The following OTOP3 variants were observed in gnomAD, a reference collection of about 807,000 sequenced individuals.
OTOP3 encodes the protein otopetrin 3.
OTOP3 carries 41 observed loss-of-function variants against 50.8 expected under a neutral mutation model. The observed-to-expected ratio is 0.81, with a 90% CI of 0.63 to 1.05. The LOEUF (loss-of-function observed/expected upper bound fraction) is 1.05. Ranked by LOEUF, OTOP3 falls within the 50% of genes least tolerant of loss-of-function variation. The pLI is 0.00. For synonymous variants in OTOP3, 320 were observed against 324.4 expected, an observed-to-expected ratio of 0.99 and a Z score of 0.14; for missense variants, 788 against 760.8, an observed-to-expected ratio of 1.04 and a Z score of -0.42.
chr17:74,940,915 C>CAA lies in OTOP3; in HGVS notation c.20-477_20-476dup, dbSNP rs760967360. Among the ~76,000 whole-genome samples the CAA allele has an allele frequency of 2.8e-4, 43 of 152,282 alleles. 1 individual carries two copies. The highest frequency in any genetic ancestry group is 1.5e-3 in the Admixed American group (23 of 15,286). ...GACACAGCCTCAGGATGCTTCTCTA[C>CAA]AAGACATTTTAGGCAATCATTTCCC... On this transcript the variant is annotated intron_variant, in intron 1 of 6. Transcript: ENST00000328801.
At chr17:74,938,117 G>A (rs2039136697) in intron 1 of OTOP3, among the ~76,000 whole-genome samples, 1 of 152,114 alleles carries the variant, frequency 6.6e-6, no homozygotes, top group South Asian at 2.1e-4. Context: ...AGTGGGAAAG[G>A]GGAGAAAATC....
rs1423634369 is a variant in OTOP3, at chr17:74,935,941, G to A, written c.19+1G>A. 8 of 1,543,436 alleles carry A rather than the reference G, an allele frequency of 5.2e-6. No homozygotes were observed. The highest frequency in any genetic ancestry group is 6.1e-6 in the Non-Finnish European group (7 of 1,146,700). On this transcript the variant is annotated splice_donor_variant, in intron 1 of 6. Transcript: ENST00000328801. LOFTEE classifies it high-confidence loss of function. ...ACGGCGATGCCTCTCCCGGCCTCAG[G>A]TAAGCCCGGAGCGCCGGCGGAACTT...
intron 3 of OTOP3, 116 bp from the exon 4 acceptor site, chr17:74,943,170 G>T (rs945422653): frequency 2.2e-6 from 2 of 922,972 alleles, no homozygotes; most frequent in South Asian, 2.8e-5. Flanking sequence ...CCAAGATTCC[G>T]ACCCAGTCTT....
Position 74,947,173 on chromosome 17 carries a change from A to G in OTOP3, c.1264A>G (p.Lys422Glu). 6.2e-7 allele frequency: 1 copy of G among 1,614,020 alleles called. No individual in the cohort carries two copies. Among genetic ancestry groups the G allele is most frequent in the South Asian group, 1.1e-5 (1 of 91,090 alleles). ...TTTCTCCATCGTGGCCATTGTGGCCAAGCGCCCGCATGAGCTGCTCAACCG... is the reference window on the plus strand; with the variant it reads ...TTTCTCCATCGTGGCCATTGTGGCCGAGCGCCCGCATGAGCTGCTCAACCG... ...AYFSIVAIVA[K>E]RPHELLNRLI... is the part of the protein sequence containing the mutation. The change falls in exon 6 of 7, where the codon AAG (lysine) becomes GAG (glutamate). Residue 422 changes from lysine to glutamate, a missense_variant. Transcript: ENST00000328801.
At chr17:74,938,022 G>A (rs1027187017) in intron 1 of OTOP3, among the ~76,000 whole-genome samples, 1 of 152,196 alleles carries the variant, frequency 6.6e-6, no homozygotes, top group African/African-American at 2.4e-5. Flanking sequence ...CTGGGCCTGG[G>A]TTGGTGTGGG....
intron 3 of OTOP3, 136 bp from the exon 4 acceptor site, chr17:74,943,150 A>G: frequency 2.5e-6 from 2 of 786,796 alleles, no homozygotes; most frequent in Admixed American, 3.8e-5. Flanking sequence ...CACAGCAAGA[A>G]GCAGTAGAGC....
intron 6 of OTOP3, among the ~76,000 whole-genome samples, chr17:74,948,741 G>A (rs1368698703): frequency 6.6e-6 from 1 of 152,182 alleles, no homozygotes; most frequent in Non-Finnish European, 1.5e-5. Flanking sequence ...GGGAGGCTGA[G>A]GTGGGAGGAT....
chr17:74,943,091 A>G (rs1297736909), intron 3 of OTOP3, among the ~76,000 whole-genome samples, 195 bp from the exon 4 acceptor site: 2 of 152,190 alleles, frequency 1.3e-5, no homozygotes, highest in African/African-American at 2.4e-5. Context: ...CCCTTTTCCC[A>G]GCTGAGGCAA....
In OTOP3 at chr17:74,937,479, T is replaced by C. The variant is rs550415493; in HGVS notation, c.19+1539T>C. On this transcript the variant is annotated intron_variant, in intron 1 of 6. Coordinates refer to ENST00000328801, the MANE Select transcript of OTOP3 (RefSeq NM_001272005.2). ...GGGGGCTGGAGGAGAGGGTGCAGGT[T>C]TTGGGGAAGGTGAAGTAGAGCAGTT... 2.0e-5 allele frequency among the ~76,000 whole-genome samples: 3 copies of C among 152,014 alleles called. No individual in the cohort carries two copies. In the South Asian group the frequency reaches 6.3e-4, roughly 32 times the overall value.
At chr17:74,938,244 A>G (rs8071769) in intron 1 of OTOP3, among the ~76,000 whole-genome samples, 77,883 of 151,798 alleles carry the variant, frequency 0.51, 20,919 homozygotes, top group African/African-American at 0.68. Flanking sequence ...CAAGGGGAGA[A>G]TGGGAGCCCG....
chr17:74,938,887 G>A (rs1299570920), intron 1 of OTOP3, among the ~76,000 whole-genome samples: 2 of 152,072 alleles, frequency 1.3e-5, no homozygotes, highest in Non-Finnish European at 2.9e-5. Context: ...AAAAATCAGG[G>A]CCAGGCATGG....
chr17:74,946,124 C>T (rs901597056), intron 5 of OTOP3, among the ~76,000 whole-genome samples: 1 of 151,860 alleles, frequency 6.6e-6, no homozygotes, highest in African/African-American at 2.4e-5. Context: ...ATTACAGGCA[C>T]GTGCCACCAT....
chr17:74,946,534 TA>T, intron 5 of OTOP3, 126 bp from the exon 6 acceptor site: 1 of 757,884 alleles, frequency 1.3e-6, no homozygotes, highest in Non-Finnish European at 2.1e-6. Context: ...TCCACATTGG[TA>T]AAATGAGCGG....
rs747391439 is a variant in OTOP3, at chr17:74,941,497, G to A, written c.124G>A (p.Ala42Thr). 3.0e-5 allele frequency: 49 copies of A among 1,612,608 alleles called. No homozygotes were observed. The highest frequency in any genetic ancestry group is 1.7e-4 in the Middle Eastern group (1 of 6,054). ...TGTGGGGGCCGAGGAGAGAGCGGCC[G>A]CCACCCGGCCCCGGCAGAAGTCCTG... ...VDVGAEERAAATRPRQKSWLV... is the reference protein window; with the variant it reads ...VDVGAEERAATTRPRQKSWLV... The change falls in exon 2 of 7, where the codon GCC (alanine) becomes ACC (threonine). Residue 42 changes from alanine (A) to threonine (T), a missense_variant. Physicochemically the swap from Ala to Thr is moderately conservative, Grantham distance 58. Transcript: ENST00000328801.
rs2039228997 is a variant in OTOP3, at chr17:74,946,779, G to A, written c.870G>A (p.Leu290=). The A allele has an allele frequency of 1.2e-6, 2 of 1,612,864 alleles. No individual in the cohort carries two copies. Among genetic ancestry groups the A allele is most frequent in the Non-Finnish European group, 8.5e-7 (1 of 1,180,026 alleles). The change falls in exon 6 of 7, where the codon CTG becomes CTA. Residue 290 remains leucine, a synonymous_variant. Coordinates refer to ENST00000328801, the MANE Select transcript of OTOP3 (RefSeq NM_001272005.2). ...TEYCLICCAV[L]FVMWKNVGRH... ...ACTGCCTCATCTGCTGTGCTGTGCT[G>A]TTTGTCATGTGGAAGAACGTGGGCC...
chr17:74,945,790 G>C (rs1567951825), intron 5 of OTOP3, among the ~76,000 whole-genome samples: 4 of 151,962 alleles, frequency 2.6e-5, no homozygotes. Flanking sequence ...TGGGGTTTCG[G>C]TTTTTGGTTT....
chr17:74,938,265 A>G (rs1258922451), intron 1 of OTOP3, among the ~76,000 whole-genome samples: 1 of 152,086 alleles, frequency 6.6e-6, no homozygotes, highest in Non-Finnish European at 1.5e-5. Flanking sequence ...GAGAGGTTGC[A>G]TTTTCAAGCC....
At chr17:74,937,104 A>C (rs1351816084) in intron 1 of OTOP3, among the ~76,000 whole-genome samples, 1 of 151,846 alleles carries the variant, frequency 6.6e-6, no homozygotes, top group East Asian at 1.9e-4. Context: ...CTGGGACTAC[A>C]GGTGCATGCC....
intron 5 of OTOP3, among the ~76,000 whole-genome samples, chr17:74,945,496 GTGTT>G (rs1306322450): frequency 6.6e-6 from 1 of 152,200 alleles, no homozygotes; most frequent in Non-Finnish European, 1.5e-5. Flanking sequence ...CCTCCTGGCA[GTGTT>G]TAACTCACAT....
Sources: gnomAD v4.1 joint callset for allele counts (sites outside exome capture counted in the v4.1 genomes callset) on GRCh38, gnomAD v4.1.1 for gene constraint, MANE v1.5 for transcripts, NCBI Gene and HGNC (gene_info 2026-07-23, HGNC 2026-07-21) for gene names.